Variants in HEPHL1 observed in about 807,000 individuals in gnomAD.
HEPHL1 encodes the protein hephaestin like 1.
A neutral mutation model predicts 122.0 loss-of-function variants in HEPHL1; 123 were observed. The observed-to-expected ratio is 1.01, with a 90% CI of 0.87 to 1.17. HEPHL1 has a LOEUF of 1.17. Ranked by LOEUF, HEPHL1 falls within the 50% of genes most tolerant of loss-of-function variation. The pLI, the probability that HEPHL1 is intolerant of heterozygous loss-of-function variation, is 0.00. For missense variants in HEPHL1, 1,452 were observed against 1,430.5 expected, an observed-to-expected ratio of 1.01 and a Z score of -0.24; for synonymous variants, 527 against 508.9, an observed-to-expected ratio of 1.04 and a Z score of -0.48.
intron 1 of HEPHL1, among the ~76,000 whole-genome samples, chr11:94,031,443 T>G (rs1437870953): frequency 2.0e-5 from 3 of 152,064 alleles, no homozygotes; most frequent in African/African-American, 4.8e-5. Context: ...TCACGCCATA[T>G]CAGCACCTGT....
Position 94,105,891 on chromosome 11 carries a change from C to G in HEPHL1, c.2906-100C>G, listed in dbSNP as rs543752767. 1.7e-5 allele frequency: 13 copies of G among 763,232 alleles called. No individual in the cohort carries two copies. The East Asian group carries it at 3.3e-4, about 20-fold the overall frequency. 47.3% of individuals were successfully genotyped at this position (763,232 alleles called of 1,614,324 possible). A position where few individuals can be genotyped will look rare whatever the true frequency, so the allele number is the denominator to read the frequency against. On this transcript the variant is annotated intron_variant, in intron 16 of 19. Coordinates refer to ENST00000315765, the MANE Select transcript of HEPHL1 (RefSeq NM_001098672.2). ...GTGAGATTGTTGCATGTTTACTAGA[C>G]AGATGAAAATATCAGTGACCTAAAG...
In HEPHL1 at chr11:94,075,373, T is replaced by C. The variant is rs1490179256; in HGVS notation, c.1704T>C (p.Ala568=). The change falls in exon 9 of 20, where the codon GCT becomes GCC. Residue 568 remains alanine (A), a synonymous_variant. Transcript: ENST00000315765. ...TCTGTAAAAAGGGCGTCCTCAATGC[T>C]GATGGGACACAGGTAGGCCATTGAG... is the stretch of plus-strand genomic sequence containing the variant. ...LLVCKKGVLN[A]DGTQKGIDKE... is the part of the protein sequence containing the mutation. 1 of 1,612,296 alleles carries C rather than the reference T, an allele frequency of 6.2e-7. No homozygotes were observed. Among genetic ancestry groups the C allele is most frequent in the Non-Finnish European group, 8.5e-7 (1 of 1,179,264 alleles).
chr11:94,069,898 A>G (rs1242627148), intron 5 of HEPHL1, among the ~76,000 whole-genome samples: 1 of 152,110 alleles, frequency 6.6e-6, no homozygotes, highest in Admixed American at 6.6e-5. Context: ...GGAAATTGTT[A>G]TTCTTCTACA....
intron 12 of HEPHL1, among the ~76,000 whole-genome samples, chr11:94,092,404 A>T (rs991599453): frequency 6.6e-6 from 1 of 152,182 alleles, no homozygotes; most frequent in African/African-American, 2.4e-5. Flanking sequence ...ATTTGCAGGT[A>T]CATGTAGAGT....
intron 14 of HEPHL1, among the ~76,000 whole-genome samples, 153 bp from the exon 15 acceptor site, chr11:94,102,761 T>G (rs1238369326): frequency 6.6e-6 from 1 of 152,166 alleles, no homozygotes; most frequent in East Asian, 1.9e-4. Flanking sequence ...GAAATCAAGA[T>G]GGGAGTTTAA....
chr11:94,029,065 G>A (rs1945649840), intron 1 of HEPHL1, among the ~76,000 whole-genome samples: 2 of 152,142 alleles, frequency 1.3e-5, no homozygotes, highest in African/African-American at 4.8e-5. Flanking sequence ...CTAGCCTCAA[G>A]TGATCCTCCC....
intron 2 of HEPHL1, among the ~76,000 whole-genome samples, chr11:94,047,156 G>A (rs1248210459): frequency 6.6e-6 from 1 of 152,202 alleles, no homozygotes; most frequent in Non-Finnish European, 1.5e-5. Flanking sequence ...CAAAAATTGT[G>A]CCAGGTAAAC....
chr11:94,073,070 A>G lies in HEPHL1; in HGVS notation c.1278A>G (p.Gly426=), dbSNP rs963925088. 4.3e-6 allele frequency: 7 copies of G among 1,612,824 alleles called. No homozygotes were observed. Among genetic ancestry groups the G allele is most frequent in the Middle Eastern group, 3.3e-4 (2 of 6,076 alleles). Residue 426 remains glycine (G), a synonymous_variant, in exon 7 of 20, where the codon GGA becomes GGG. Coordinates refer to ENST00000315765, the MANE Select transcript of HEPHL1 (RefSeq NM_001098672.2). ...CACAAGGGGACAACAGAATAGGAGG[A>G]AAATACTGGAAGGTTCGGTATACTG... ...YFTQGDNRIG[G]KYWKVRYTEF...
chr11:94,044,548 C>A (rs1193193423), intron 1 of HEPHL1, among the ~76,000 whole-genome samples: 1 of 152,116 alleles, frequency 6.6e-6, no homozygotes, highest in African/African-American at 2.4e-5. Flanking sequence ...CCGGAACTTA[C>A]CTGCATCCTT....
intron 13 of HEPHL1, among the ~76,000 whole-genome samples, chr11:94,095,746 G>C (rs978916738): frequency 6.6e-6 from 1 of 152,148 alleles, no homozygotes; most frequent in African/African-American, 2.4e-5. Context: ...CACATCCCTT[G>C]TAAGTTGGAT....
chr11:94,065,106 C>T (rs879262549), intron 4 of HEPHL1, among the ~76,000 whole-genome samples: 1 of 152,158 alleles, frequency 6.6e-6, no homozygotes, highest in Admixed American at 6.5e-5. Flanking sequence ...TGAGATGGGG[C>T]ACTTACTCAT....
At chr11:94,058,200 T>C (rs1945955882) in intron 2 of HEPHL1, among the ~76,000 whole-genome samples, 1 of 152,316 alleles carries the variant, frequency 6.6e-6, no homozygotes, top group South Asian at 2.1e-4. Context: ...AGAATCCTAC[T>C]CCTCTTAGCT....
intron 2 of HEPHL1, among the ~76,000 whole-genome samples, chr11:94,049,447 A>G (rs1442537356): frequency 3.9e-5 from 6 of 152,048 alleles, no homozygotes; most frequent in Admixed American, 3.9e-4. Flanking sequence ...GAGATTCTTC[A>G]AAAAATGAAA....
chr11:94,042,882 A>AACAAACAAAAAACAAAC (rs1945797365), intron 1 of HEPHL1, among the ~76,000 whole-genome samples: 1 of 136,838 alleles, frequency 7.3e-6, no homozygotes, highest in Non-Finnish European at 1.6e-5. Flanking sequence ...TAATAAAAAA[A>AACAAACAAAAAACAAAC]AAAAAAAAAA....
chr11:94,037,959 T>C (rs1264944684), intron 1 of HEPHL1, among the ~76,000 whole-genome samples: 1 of 149,324 alleles, frequency 6.7e-6, no homozygotes, highest in Non-Finnish European at 1.5e-5. Context: ...GGCAAAGAAG[T>C]TGAAAACTTT....
At chr11:94,094,889 A>G (rs1281048739) in intron 13 of HEPHL1, among the ~76,000 whole-genome samples, 1 of 152,110 alleles carries the variant, frequency 6.6e-6, no homozygotes, top group Non-Finnish European at 1.5e-5. Flanking sequence ...TAGATTCTGG[A>G]TATTAGCCCT....
In HEPHL1 at chr11:94,091,855, G is replaced by A. The variant is rs539833802; in HGVS notation, c.2295-1646G>A. On this transcript the variant is annotated intron_variant, in intron 12 of 19. Transcript: ENST00000315765. ...TGTAAAGGCCTGGAGGTGAGGGAGA[G>A]CACATCATGTTCAAGAGAGTGAATG... 4.0e-5 allele frequency among the ~76,000 whole-genome samples: 6 copies of A among 151,850 alleles called. No homozygotes were observed. In the South Asian group the frequency reaches 1.2e-3, roughly 32 times the overall value.
intron 1 of HEPHL1, among the ~76,000 whole-genome samples, chr11:94,045,026 A>G (rs143966218): frequency 1.3e-5 from 2 of 152,174 alleles, no homozygotes; most frequent in African/African-American, 4.8e-5. Context: ...CTGCCTCAGC[A>G]TATCAGGTAG....
chr11:94,063,825 ATTTC>A, intron 3 of HEPHL1, 105 bp downstream of exon 3: 2 of 895,918 alleles, frequency 2.2e-6, no homozygotes, highest in Non-Finnish European at 3.6e-6. Context: ...CCTCTTCCAA[ATTTC>A]TTTAGAAATT....
Sources: gnomAD v4.1 joint callset for allele counts (sites outside exome capture counted in the v4.1 genomes callset) on GRCh38, gnomAD v4.1.1 for gene constraint, MANE v1.5 for transcripts, NCBI Gene and HGNC (gene_info 2026-07-23, HGNC 2026-07-21) for gene names.